Variants in MRPL43 observed in about 807,000 individuals in gnomAD.
MRPL43 encodes mitochondrial ribosomal protein L43, also known as large ribosomal subunit protein mL43.
A neutral mutation model predicts 12.7 loss-of-function variants in MRPL43; 9 were observed. The ratio of observed to expected loss-of-function variants is 0.71; its 90% CI spans 0.43 to 1.24. The LOEUF (loss-of-function observed/expected upper bound fraction) is 1.24, where lower values mean the gene tolerates loss of function less well. Ranked by LOEUF, MRPL43 falls within the 50% of genes most tolerant of loss-of-function variation. The pLI is 0.00. For synonymous variants in MRPL43, 116 were observed against 96.4 expected (o/e 1.20, Z -1.19); for missense variants, 211 against 229.2 (o/e 0.92, Z 0.51).
rs751479313 is a variant in MRPL43, at chr10:100,986,911, C to A, written c.303G>T (p.Val101=). The A allele has an allele frequency of 6.2e-7, 1 of 1,611,630 alleles. No homozygotes were observed. Among genetic ancestry groups the A allele is most frequent in the African/African-American group, 1.3e-5 (1 of 75,052 alleles). Residue 101 remains valine, a synonymous_variant, in exon 3 of 3, where the codon GTG becomes GTT. Coordinates refer to ENST00000318364, the MANE Select transcript of MRPL43 (RefSeq NM_032112.3). ...CKSVEEISTL[V]QKLADQSGLD... Reference sequence around the variant, plus strand: ...AGCCCGACTGGTCGGCCAGCTTCTGCACCAGCGTCGAGATCTCCTCGACCG... The same window carrying A: ...AGCCCGACTGGTCGGCCAGCTTCTGAACCAGCGTCGAGATCTCCTCGACCG...
chr10:100,983,202 T>A (rs745428974), downstream of MRPL43: 193 of 1,322,654 alleles, frequency 1.5e-4, no homozygotes, highest in Non-Finnish European at 1.9e-4. Flanking sequence ...TGATTCTGGG[T>A]TCTGTGCTTG....
downstream of MRPL43, chr10:100,979,235 C>A (rs761169377): frequency 6.8e-6 from 11 of 1,614,202 alleles, no homozygotes; most frequent in Non-Finnish European, 8.5e-6. Flanking sequence ...TCAAGCCGTA[C>A]ACACTTCTAT....
downstream of MRPL43, chr10:100,979,415 G>C (rs1350798901): frequency 6.4e-7 from 1 of 1,568,528 alleles, no homozygotes; most frequent in Non-Finnish European, 8.6e-7. Flanking sequence ...AGGGAGTCTT[G>C]CTCTGTTGCC....
chr10:100,983,360 G>A (rs779730408), downstream of MRPL43: 15 of 1,603,440 alleles, frequency 9.4e-6, no homozygotes, highest in African/African-American at 1.3e-5. Flanking sequence ...ATGTCCTCCT[G>A]CCCTGTGACC....
At chr10:100,979,018 G>A (rs1199366181), downstream of MRPL43, 6 of 1,614,012 alleles carry the variant, frequency 3.7e-6, no homozygotes, top group Non-Finnish European at 5.1e-6. Context: ...GTGTCTGCAA[G>A]GTGGATTGGG....
chr10:100,982,976 C>G (rs1851183371), downstream of MRPL43, among the ~76,000 whole-genome samples: 1 of 152,098 alleles, frequency 6.6e-6, no homozygotes, highest in African/African-American at 2.4e-5. Context: ...GTGGAGATGC[C>G]CAGCACATGG....
downstream of MRPL43, chr10:100,981,331 T>C (rs1032860856): frequency 8.7e-5 from 140 of 1,601,050 alleles, no homozygotes; most frequent in South Asian, 1.1e-4. Flanking sequence ...GCTGTGGCTA[T>C]GTACATTTGG....
rs775191647 is a variant in MRPL43, at chr10:100,986,987, G to C, written c.239-12C>G. ...CACAGCCCCGTTAACTGGCAGAAGA[G>C]GGGTGAGAGTGGGTGGAAGCTGGCC... On this transcript the variant is annotated splice_polypyrimidine_tract_variant and intron_variant, in intron 2 of 2. Coordinates refer to ENST00000318364, the MANE Select transcript of MRPL43 (RefSeq NM_032112.3). The C allele has an allele frequency of 6.2e-6, 10 of 1,605,660 alleles. No homozygotes were observed. The highest frequency in any genetic ancestry group is 1.7e-5 in the Admixed American group (1 of 60,014).
Position 100,987,192 on chromosome 10 carries a change from A to C in MRPL43, c.136T>G (p.Phe46Val). The C allele has an allele frequency of 6.2e-7, 1 of 1,613,526 alleles. No homozygotes were observed. The highest frequency in any genetic ancestry group is 8.5e-7 in the Non-Finnish European group (1 of 1,179,970). The change falls in exon 2 of 3, where the codon TTC becomes GTC. Residue 46 changes from phenylalanine (F) to valine (V), a missense_variant. By Grantham distance (50) the Phe-to-Val change is conservative. Coordinates refer to ENST00000318364, the MANE Select transcript of MRPL43 (RefSeq NM_032112.3). ...AAGTCGATCACCTCCCGCTCCACGAACTCCCTAAGCGACCCGGGACAGTGA... is the reference window on the plus strand; with the variant it reads ...AAGTCGATCACCTCCCGCTCCACGACCTCCCTAAGCGACCCGGGACAGTGA... ...DGASSRGARE[F>V]VEREVIDFAR...
downstream of MRPL43, chr10:100,984,982 C>A: frequency 7.5e-7 from 1 of 1,338,846 alleles, no homozygotes; most frequent in Non-Finnish European, 9.9e-7. Flanking sequence ...CACTCACATG[C>A]ACCTCTGAGC....
chr10:100,979,058 G>A, downstream of MRPL43: 1 of 1,613,040 alleles, frequency 6.2e-7, no homozygotes, highest in Non-Finnish European at 8.5e-7. Flanking sequence ...ATAGAGGCTG[G>A]ACCTCTGACC....
chr10:100,984,537 T>C, downstream of MRPL43: 2 of 1,536,188 alleles, frequency 1.3e-6, no homozygotes, highest in African/African-American at 1.4e-5. Context: ...ACCCTCTGCA[T>C]GGCCCTGTGT....
At chr10:100,984,595 C>T, downstream of MRPL43, 1 of 1,536,216 alleles carries the variant, frequency 6.5e-7, no homozygotes, top group Non-Finnish European at 8.7e-7. Flanking sequence ...CCACCTAAGC[C>T]CTGCGTACAT....
downstream of MRPL43, chr10:100,978,541 A>G (rs202220509): frequency 3.7e-6 from 6 of 1,614,016 alleles, no homozygotes; most frequent in African/African-American, 1.3e-5. Flanking sequence ...AGGCCTCTAC[A>G]CAGCCACTAG....
downstream of MRPL43, chr10:100,983,710 C>T (rs772406976): frequency 6.2e-7 from 1 of 1,613,566 alleles, no homozygotes; most frequent in Admixed American, 1.7e-5. Flanking sequence ...CTCTATGTGG[C>T]CTGTCTGCGG....
chr10:100,984,905 C>T, downstream of MRPL43: 1 of 1,453,498 alleles, frequency 6.9e-7, no homozygotes. Flanking sequence ...AGACAGAGCT[C>T]CAGGCATGTC....
downstream of MRPL43, chr10:100,979,821 C>G: frequency 6.2e-7 from 1 of 1,610,510 alleles, no homozygotes; most frequent in Non-Finnish European, 8.5e-7. Context: ...ATGTAACTCA[C>G]CCCCCTTGCC....
At position 100,987,115 on chromosome 10, in the gene MRPL43, G is replaced by A. The variant is rs1386734833; in HGVS notation, c.213C>T (p.Cys71=). 1.2e-6 allele frequency: 2 copies of A among 1,613,772 alleles called. No homozygotes were observed. The highest frequency in any genetic ancestry group is 2.2e-5 in the East Asian group (1 of 44,878). The change falls in exon 2 of 3, where the codon TGC becomes TGT. Residue 71 remains cysteine (C), a synonymous_variant. Coordinates refer to ENST00000318364, the MANE Select transcript of MRPL43 (RefSeq NM_032112.3). ...VVIYVNSRPC[C]VPRVVAEYLN... Reference sequence around the variant, plus strand: ...GGTATTCGGCCACTACTCTGGGCACGCAGCACGGACGCGAGTTTACATATA... The same window carrying A: ...GGTATTCGGCCACTACTCTGGGCACACAGCACGGACGCGAGTTTACATATA...
downstream of MRPL43, chr10:100,981,243 AT>A: frequency 6.2e-7 from 1 of 1,613,902 alleles, no homozygotes; most frequent in Non-Finnish European, 8.5e-7. Context: ...AGTGACTCAT[AT>A]GAGTGTGGGT....
Sources: gnomAD v4.1 joint callset for allele counts (sites outside exome capture counted in the v4.1 genomes callset) on GRCh38, gnomAD v4.1.1 for gene constraint, MANE v1.5 for transcripts, NCBI Gene and HGNC (gene_info 2026-07-23, HGNC 2026-07-21) for gene names.